Variants in CNBD2 observed in about 807,000 individuals in gnomAD.
CNBD2 encodes cyclic nucleotide-binding domain-containing protein 2.
In CNBD2, 64 loss-of-function variants were observed where a neutral mutation model predicts 63.7. The observed-to-expected ratio is 1.00, with a 90% CI of 0.82 to 1.24. CNBD2 has a LOEUF of 1.24. CNBD2 is among the 50% of genes most tolerant of loss of function. The pLI is 0.00. For missense variants in CNBD2, 691 were observed against 713.5 expected, an observed-to-expected ratio of 0.97 and a Z score of 0.36; for synonymous variants, 229 against 255.4, an observed-to-expected ratio of 0.90 and a Z score of 0.99.
chr20:35,957,225 C>A (rs1008010452), downstream of CNBD2, among the ~76,000 whole-genome samples: 1 of 152,068 alleles, frequency 6.6e-6, no homozygotes, highest in Non-Finnish European at 1.5e-5. Context: ...CTTTGTGGGC[C>A]GGTAAGCCTG....
chr20:36,023,133 G>A (rs919136218), intron 10 of CNBD2, among the ~76,000 whole-genome samples: 2 of 152,152 alleles, frequency 1.3e-5, no homozygotes, highest in Admixed American at 6.6e-5. Flanking sequence ...TCCATATGAT[G>A]TAGCAAAAGG....
At chr20:35,993,624 CATCTT>C (rs2056778849) in intron 7 of CNBD2, among the ~76,000 whole-genome samples, 2 of 152,074 alleles carry the variant, frequency 1.3e-5, no homozygotes, top group South Asian at 4.1e-4. Flanking sequence ...TGTAGATATA[CATCTT>C]ATATGTTCAT....
chr20:36,030,572 A>G lies in CNBD2; in HGVS notation c.1655A>G (p.Gln552Arg). The G allele has an allele frequency of 6.2e-7, 1 of 1,614,224 alleles. No individual in the cohort carries two copies. The highest frequency in any genetic ancestry group is 1.1e-5 in the South Asian group (1 of 91,092). Residue 552 changes from glutamine (Q) to arginine (R), a missense_variant, in exon 12 of 12, where the codon CAG (glutamine) becomes CGG (arginine). Physicochemically the swap from Gln to Arg is conservative, Grantham distance 43. Transcript: ENST00000373973. ...KPRYPIFMAP[Q>R]KYLPPLRIVQ... Reference sequence around the variant, plus strand: ...CGTTATCCTATTTTTATGGCACCCCAGAAATACCTCCCCCCATTGAGGATT... The same window carrying G: ...CGTTATCCTATTTTTATGGCACCCCGGAAATACCTCCCCCCATTGAGGATT...
At chr20:36,019,621 G>A (rs1167125973) in intron 10 of CNBD2, among the ~76,000 whole-genome samples, 1 of 151,808 alleles carries the variant, frequency 6.6e-6, no homozygotes, top group Non-Finnish European at 1.5e-5. Flanking sequence ...AAGGTTCAAG[G>A]CAGGAGGGAG....
At chr20:35,994,254 G>A (rs368308135) in intron 7 of CNBD2, among the ~76,000 whole-genome samples, 4 of 151,890 alleles carry the variant, frequency 2.6e-5, no homozygotes, top group South Asian at 4.2e-4. Flanking sequence ...TAGTAGGGAC[G>A]GGGTTTATCC....
chr20:35,988,300 A>G (rs1024002881), intron 7 of CNBD2, among the ~76,000 whole-genome samples: 1 of 151,880 alleles, frequency 6.6e-6, no homozygotes, highest in Non-Finnish European at 1.5e-5. Context: ...CAGAGTAGCT[A>G]GGACTATAGG....
At chr20:35,963,149 G>T (rs922286641) in intron 2 of CNBD2, among the ~76,000 whole-genome samples, 1 of 152,100 alleles carries the variant, frequency 6.6e-6, no homozygotes, top group Non-Finnish European at 1.5e-5. Flanking sequence ...TTCAAGACCA[G>T]CCTGGGCAAC....
chr20:36,005,749 G>C (rs2056975366), intron 8 of CNBD2, among the ~76,000 whole-genome samples: 1 of 151,952 alleles, frequency 6.6e-6, no homozygotes, highest in Non-Finnish European at 1.5e-5. Flanking sequence ...AGGAGATCGA[G>C]ATCATCCTGG....
intron 10 of CNBD2, among the ~76,000 whole-genome samples, chr20:36,016,183 G>A (rs1260636997): frequency 6.6e-6 from 1 of 152,126 alleles, no homozygotes; most frequent in Non-Finnish European, 1.5e-5. Flanking sequence ...AATACTCAAT[G>A]AGTACCCTCA....
intron 11 of CNBD2, among the ~76,000 whole-genome samples, chr20:36,024,440 C>T (rs2057259024): frequency 6.6e-6 from 1 of 151,100 alleles, no homozygotes; most frequent in Non-Finnish European, 1.5e-5. Context: ...ACCAGGCTGG[C>T]CAACATGGTG....
chr20:36,017,868 A>T (rs2057156101), intron 10 of CNBD2, among the ~76,000 whole-genome samples: 1 of 151,942 alleles, frequency 6.6e-6, no homozygotes, highest in Non-Finnish European at 1.5e-5. Context: ...TCCTCCTGCC[A>T]CTCAGCTCTG....
At chr20:36,022,807 A>T (rs2057234900) in intron 10 of CNBD2, among the ~76,000 whole-genome samples, 1 of 147,662 alleles carries the variant, frequency 6.8e-6, no homozygotes, top group Non-Finnish European at 1.5e-5. Flanking sequence ...TTGTGTAGAT[A>T]TGTGGTTTCA....
At chr20:36,000,691 TG>T (rs1318022460) in intron 8 of CNBD2, among the ~76,000 whole-genome samples, 7 of 151,316 alleles carry the variant, frequency 4.6e-5, no homozygotes, top group African/African-American at 1.7e-4. Context: ...CACGAGTAGC[TG>T]GGATTATAGG....
In CNBD2 at chr20:35,987,516, A is replaced by T. The variant is rs1461419523; in HGVS notation, c.838A>T (p.Ile280Phe). ...AAAAGATTTTGGAGAGTCACCCTTC[A>T]TCATGTTTATCAGCAAGGTGAAAAG... ...ISKDFGESPF[I>F]MFISKGSCEV... Residue 280 changes from isoleucine (I) to phenylalanine (F), a missense_variant, in exon 7 of 12, where the codon ATC becomes TTC. Physicochemically the swap from Ile to Phe is conservative, Grantham distance 21 (BLOSUM62 0). Coordinates refer to ENST00000373973, the MANE Select transcript of CNBD2 (RefSeq NM_001365709.1). The T allele has an allele frequency of 6.2e-7, 1 of 1,614,214 alleles. No homozygotes were observed. Among genetic ancestry groups the T allele is most frequent in the South Asian group, 1.1e-5 (1 of 91,084 alleles).
chr20:36,022,217 T>G (rs6141589), intron 10 of CNBD2, among the ~76,000 whole-genome samples: 4,782 of 107,196 alleles, frequency 0.045, 448 homozygotes, highest in African/African-American at 0.21. Context: ...TTTTTTTTTT[T>G]GAGATGGAGT....
rs1230414100 is a variant in CNBD2, at chr20:36,030,415, G to A, written c.1498G>A (p.Asp500Asn). 6.2e-7 allele frequency: 1 copy of A among 1,613,996 alleles called. No individual in the cohort carries two copies. Among genetic ancestry groups the A allele is most frequent in the Non-Finnish European group, 8.5e-7 (1 of 1,180,052 alleles). Residue 500 changes from aspartate (D) to asparagine (N), a missense_variant, in exon 12 of 12, where the codon GAC becomes AAC. Transcript: ENST00000373973. ...GAACAGCTGGAATATCTTTCGGAAG[G>A]ACCTGTTGCAGCTGCTCGTGGAGCC... ...QQNSWNIFRK[D>N]LLQLLVEPCQ...
intron 10 of CNBD2, among the ~76,000 whole-genome samples, chr20:36,021,173 T>C (rs750834694): frequency 3.0e-4 from 45 of 152,286 alleles, no homozygotes; most frequent in Admixed American, 4.6e-4. Flanking sequence ...CGTTAACAGA[T>C]GAATGGATAA....
chr20:36,027,755 A>T (rs1035138224), intron 11 of CNBD2, among the ~76,000 whole-genome samples: 6 of 151,546 alleles, frequency 4.0e-5, no homozygotes, highest in African/African-American at 1.5e-4. Context: ...GGCTCACTGC[A>T]AACTCTGCCT....
intron 10 of CNBD2, among the ~76,000 whole-genome samples, chr20:36,016,731 G>T (rs1382914396): frequency 2.7e-5 from 4 of 150,866 alleles, no homozygotes; most frequent in Admixed American, 2.0e-4. Context: ...GGAGGTTGCA[G>T]TGAGCCAGGA....
Sources: allele counts gnomAD v4.1 joint callset (sites outside exome capture counted in the v4.1 genomes callset), GRCh38; gene constraint gnomAD v4.1.1; transcripts MANE v1.5; gene names NCBI Gene and HGNC (gene_info 2026-07-23, HGNC 2026-07-21).